PCSK5: variants seen among roughly 807,000 people sequenced by gnomAD.
PCSK5 encodes the protein proprotein convertase subtilisin/kexin type 5.
A neutral mutation model predicts 233.2 loss-of-function variants in PCSK5; 129 were observed. The ratio of observed to expected loss-of-function variants is 0.55; its 90% CI spans 0.48 to 0.64. PCSK5 has a LOEUF of 0.64. Among genes scored for constraint, PCSK5 ranks in the 30% least tolerant of loss-of-function variants. The probability of loss-of-function intolerance (pLI) is 0.00; values close to 1 mark genes in which losing one functional copy is unlikely to be tolerated. For missense variants in PCSK5, 2,076 were observed against 2,430.1 expected, an observed-to-expected ratio of 0.85 and a Z score of 3.06; for synonymous variants, 825 against 879.2, an observed-to-expected ratio of 0.94 and a Z score of 1.09.
rs543284927 is a variant in PCSK5 at position 76,230,699 on chromosome 9, A to G, written c.2730-2761A>G. ...CTCCATCTCCTGTCACATCAGCAGC[A>G]GCATTAGATTCTCATAGGAATGTGA... is the stretch of plus-strand genomic sequence containing the variant. On this transcript the variant is annotated intron_variant, in intron 21 of 37. Transcript: ENST00000674117. Among the ~76,000 whole-genome samples the G allele has an allele frequency of 6.6e-5, 10 of 152,290 alleles. No individual in the cohort carries two copies. In the East Asian group the frequency reaches 1.7e-3, roughly 27 times the overall value.
chr9:75,959,724 G>A (rs1263195975), intron 2 of PCSK5, among the ~76,000 whole-genome samples: 1 of 152,136 alleles, frequency 6.6e-6, no homozygotes, highest in Non-Finnish European at 1.5e-5. Flanking sequence ...AATCCTTATG[G>A]GAACCAAGTC....
At position 76,002,319 on chromosome 9, in the gene PCSK5, C is replaced by T. The variant is rs539180001; in HGVS notation, c.411+16074C>T. On this transcript the variant is annotated intron_variant, in intron 3 of 37. Coordinates refer to ENST00000674117, the MANE Select transcript of PCSK5 (RefSeq NM_001372043.1). ...TGTTAGGATCTTTAGTTTGATTACACGGACCTCAAGTTCCTAATGTGAGAA... is the reference window on the plus strand; with the variant it reads ...TGTTAGGATCTTTAGTTTGATTACATGGACCTCAAGTTCCTAATGTGAGAA... Among the ~76,000 whole-genome samples, 7 of 152,222 alleles carry T rather than the reference C, an allele frequency of 4.6e-5. No homozygotes were observed. In the South Asian group the frequency reaches 8.3e-4, roughly 18 times the overall value.
At chr9:76,341,081 C>T (rs926271784) in intron 35 of PCSK5, among the ~76,000 whole-genome samples, 1 of 150,928 alleles carries the variant, frequency 6.6e-6, no homozygotes, top group Admixed American at 6.6e-5. Flanking sequence ...AAAAATTAGT[C>T]AGGAGTGGTG....
chr9:76,051,181 C>T (rs1829617593), intron 5 of PCSK5, among the ~76,000 whole-genome samples: 1 of 152,166 alleles, frequency 6.6e-6, no homozygotes, highest in South Asian at 2.1e-4. Flanking sequence ...TTACTGTAAG[C>T]AGCATTGCTT....
At position 76,321,500 on chromosome 9, in the gene PCSK5, C is replaced by T; in HGVS notation, c.3963C>T (p.Cys1321=). Reference sequence around the variant, plus strand: ...CATGTGAAGGAAACGCCACCAACTGCCATTCTTGTGAAGGAGGCCACGTCC... The same window carrying T: ...CATGTGAAGGAAACGCCACCAACTGTCATTCTTGTGAAGGAGGCCACGTCC... ...CRTCEGNATN[C]HSCEGGHVLH... is the part of the protein sequence containing the mutation. Residue 1321 remains cysteine (C), a synonymous_variant, in exon 31 of 38, where the codon TGC becomes TGT. Transcript: ENST00000674117. 1 of 1,612,324 alleles carries T rather than the reference C, an allele frequency of 6.2e-7. No homozygotes were observed. Among genetic ancestry groups the T allele is most frequent in the South Asian group, 1.1e-5 (1 of 91,080 alleles).
At chr9:76,265,866 G>T (rs905966586) in intron 24 of PCSK5, among the ~76,000 whole-genome samples, 1 of 152,080 alleles carries the variant, frequency 6.6e-6, no homozygotes, top group Non-Finnish European at 1.5e-5. Context: ...TTTTATTCTT[G>T]CAAGTTTTCT....
At chr9:76,300,648 C>A (rs960355463) in intron 27 of PCSK5, among the ~76,000 whole-genome samples, 2 of 152,170 alleles carry the variant, frequency 1.3e-5, no homozygotes, top group Non-Finnish European at 2.9e-5. Flanking sequence ...CTGAAAAATT[C>A]TAAAGCCTAT....
intron 15 of PCSK5, among the ~76,000 whole-genome samples, chr9:76,180,003 C>CTT (rs112435943): frequency 0.07 from 9,581 of 135,932 alleles, 434 homozygotes; most frequent in African/African-American, 0.098. Flanking sequence ...CCAGACCTTT[C>CTT]TTTTTTTTTT....
intron 10 of PCSK5, among the ~76,000 whole-genome samples, chr9:76,135,194 G>A (rs994989994): frequency 3.3e-5 from 5 of 151,952 alleles, no homozygotes; most frequent in African/African-American, 4.8e-5. Flanking sequence ...CATTTTGGAT[G>A]CTAAGTAATA....
chr9:75,992,319 G>A (rs1463172353), intron 3 of PCSK5, among the ~76,000 whole-genome samples: 2 of 152,168 alleles, frequency 1.3e-5, no homozygotes, highest in Non-Finnish European at 2.9e-5. Flanking sequence ...TACAATAGAT[G>A]TATGTTTTTG....
rs2643325 is a variant in PCSK5 at position 76,295,357 on chromosome 9, G to A, written c.3268G>A (p.Gly1090Ser). Residue 1090 changes from glycine (G) to serine (S), a missense_variant, in exon 26 of 38, where the codon GGC (glycine) becomes AGC (serine). By Grantham distance (56) the Gly-to-Ser change is moderately conservative (BLOSUM62 0). This residue lies in a region of PCSK5 where 1,510 missense variants were observed against 1,538.1 expected (regional missense o/e 0.98). Transcript: ENST00000674117. ...ATGCAAGGCGTGTGATAGTAACTGT[G>A]GCAGCTGTGACCAGAATGGGTGTTA... The part of the protein sequence containing the change: ...VECKACDSNC[G>S]SCDQNGCYWC... The A allele has an allele frequency of 0.23, 367,331 of 1,609,182 alleles. 44,282 individuals are homozygous for A. The highest frequency in any genetic ancestry group is 0.38 in the African/African-American group (28,317 of 74,808).
intron 9 of PCSK5, among the ~76,000 whole-genome samples, chr9:76,108,169 T>G (rs1832054927): frequency 6.6e-6 from 1 of 152,178 alleles, no homozygotes; most frequent in African/African-American, 2.4e-5. Flanking sequence ...CGCTGGAGAT[T>G]TTGTATCATG....
At position 75,932,276 on chromosome 9, in the gene PCSK5, T is replaced by C. The variant is rs561798660; in HGVS notation, c.193-103T>C. On this transcript the variant is annotated intron_variant, in intron 1 of 37. Transcript: ENST00000674117. ...GCAGCTGCATAATTTATGGACCTTT[T>C]TTGTTTTGTGTTCCTTTTTAAATGA... is the stretch of plus-strand genomic sequence containing the variant. The C allele has an allele frequency of 4.5e-5, 32 of 704,748 alleles. No homozygotes were observed. The South Asian group carries it at 5.3e-4, about 12-fold the overall frequency. The allele number at this position is 704,748 out of a possible 1,614,324, so 43.7% of individuals were successfully genotyped here.
At chr9:76,081,123 GA>G (rs1359421090) in intron 7 of PCSK5, among the ~76,000 whole-genome samples, 1 of 152,132 alleles carries the variant, frequency 6.6e-6, no homozygotes, top group East Asian at 1.9e-4. Flanking sequence ...GTATACTTAA[GA>G]AACACCACTT....
At chr9:75,919,099 A>G (rs1264630702) in intron 1 of PCSK5, among the ~76,000 whole-genome samples, 1 of 152,198 alleles carries the variant, frequency 6.6e-6, no homozygotes, top group Non-Finnish European at 1.5e-5. Context: ...AAAATTCCTT[A>G]GTGCTGCTAT....
intron 28 of PCSK5, 77 bp downstream of exon 28, chr9:76,302,294 C>A: frequency 3.0e-6 from 2 of 673,552 alleles, no homozygotes; most frequent in Non-Finnish European, 4.5e-6. Flanking sequence ...AGAAATCACC[C>A]CAAGAAGCTG....
At chr9:76,296,542 C>A in intron 26 of PCSK5, 123 bp from the exon 27 acceptor site, 1 of 659,518 alleles carries the variant, frequency 1.5e-6, no homozygotes, top group South Asian at 1.9e-5. Context: ...GACTCCATCT[C>A]AAAAATAATA....
At chr9:76,235,839 C>G (rs1227588795) in intron 22 of PCSK5, among the ~76,000 whole-genome samples, 1 of 152,164 alleles carries the variant, frequency 6.6e-6, no homozygotes, top group African/African-American at 2.4e-5. Flanking sequence ...ATTAGTGAAG[C>G]AAGTGTAGCA....
intron 10 of PCSK5, among the ~76,000 whole-genome samples, chr9:76,154,605 C>G (rs1424079628): frequency 6.6e-6 from 1 of 152,154 alleles, no homozygotes; most frequent in Admixed American, 6.5e-5. Context: ...CATCTTATTT[C>G]CCTAAACTGA....
Sources: gnomAD v4.1 joint callset for allele counts (sites outside exome capture counted in the v4.1 genomes callset) on GRCh38, gnomAD v4.1.1 for gene constraint, gnomAD v4.1.1 regional missense constraint, MANE v1.5 for transcripts, NCBI Gene and HGNC (gene_info 2026-07-23, HGNC 2026-07-21) for gene names.